KCNH5: variants seen among roughly 807,000 people sequenced by gnomAD.
KCNH5 encodes the protein voltage-gated delayed rectifier potassium channel KCNH5.
KCNH5 carries 46 observed loss-of-function variants against 96.1 expected under a neutral mutation model. The observed-to-expected ratio is 0.48, with a 90% CI of 0.38 to 0.61. The LOEUF (loss-of-function observed/expected upper bound fraction) is 0.61. Among genes scored for constraint, KCNH5 ranks in the 20% least tolerant of loss-of-function variants. The pLI is 0.00. For synonymous variants in KCNH5, 439 were observed against 449.8 expected (o/e 0.98, Z 0.30); for missense variants, 907 against 1,225.8 (o/e 0.74, Z 3.88).
rs969399828 is a variant in KCNH5, at chr14:62,771,693, A to G, written c.2019+8035T>C. On this transcript the variant is annotated intron_variant, in intron 10 of 10. Transcript: ENST00000322893. ...AGGAAGATAAGCCTCTGAAGCCACA[A>G]TGGAAGCAATTCTTTGAGACCACTA... Among the ~76,000 whole-genome samples the G allele has an allele frequency of 1.3e-5, 2 of 152,180 alleles. 1 individual carries two copies. Among genetic ancestry groups the G allele is most frequent in the South Asian group, 4.1e-4 (2 of 4,830 alleles).
intron 1 of KCNH5, among the ~76,000 whole-genome samples, chr14:63,024,000 G>A (rs1891477552): frequency 6.6e-6 from 1 of 151,976 alleles, no homozygotes; most frequent in Non-Finnish European, 1.5e-5. Flanking sequence ...ATGAGGTCAG[G>A]CATTCAAGAC....
At chr14:62,910,282 T>C (rs929994775) in intron 7 of KCNH5, among the ~76,000 whole-genome samples, 11 of 152,156 alleles carry the variant, frequency 7.2e-5, no homozygotes, top group African/African-American at 1.9e-4. Context: ...ATGCTTATTA[T>C]GAAATTGGAA....
chr14:62,964,577 C>A (rs1890270853), intron 6 of KCNH5, among the ~76,000 whole-genome samples: 1 of 152,110 alleles, frequency 6.6e-6, no homozygotes, highest in African/African-American at 2.4e-5. Flanking sequence ...AACTTGGCTT[C>A]TTCCTAAGTC....
intron 8 of KCNH5, among the ~76,000 whole-genome samples, chr14:62,811,604 A>C (rs1185636588): frequency 6.6e-6 from 1 of 152,188 alleles, no homozygotes; most frequent in African/African-American, 2.4e-5. Context: ...AATGAGAGTA[A>C]GAGGTGTTGT....
At chr14:62,775,128 C>A (rs1455317311) in intron 10 of KCNH5, among the ~76,000 whole-genome samples, 1 of 152,050 alleles carries the variant, frequency 6.6e-6, no homozygotes, top group African/African-American at 2.4e-5. Context: ...TGAAAATATC[C>A]ATTAATATAA....
At chr14:62,992,182 G>A (rs1890822039) in intron 4 of KCNH5, among the ~76,000 whole-genome samples, 1 of 151,938 alleles carries the variant, frequency 6.6e-6, no homozygotes, top group Admixed American at 6.6e-5. Context: ...TGGCTGAGTA[G>A]CATCCCATTG....
rs1224129490 is a variant in KCNH5, at chr14:62,950,139, C to T, written c.1363G>A (p.Val455Ile). 1.9e-6 allele frequency: 3 copies of T among 1,613,574 alleles called. No homozygotes were observed. Among genetic ancestry groups the T allele is most frequent in the Non-Finnish European group, 2.5e-6 (3 of 1,179,710 alleles). The change falls in exon 7 of 11, where the codon GTT (valine) becomes ATT (isoleucine). Residue 455 changes from valine to isoleucine, a missense_variant. Val to Ile is a conservative substitution (Grantham distance 29, BLOSUM62 3). This residue lies in a region of KCNH5 where 370 missense variants were observed against 561.3 expected (regional missense o/e 0.66). Transcript: ENST00000322893. Reference protein sequence around the residue: ...EKMFSVAMMMVGSLLYATIFG... With the variant: ...EKMFSVAMMMIGSLLYATIFG... ...AAAAAATTAAAATACTTACAGCCAA[C>T]CATCATCATAGCCACCGAAAACATC...
intron 10 of KCNH5, among the ~76,000 whole-genome samples, chr14:62,776,290 C>T (rs1233495910): frequency 2.6e-5 from 4 of 151,898 alleles, no homozygotes; most frequent in Non-Finnish European, 5.9e-5. Flanking sequence ...TTGGGGCCCT[C>T]ATGAGTGACT....
chr14:62,755,048 C>T (rs899834102), intron 10 of KCNH5, among the ~76,000 whole-genome samples: 1 of 149,932 alleles, frequency 6.7e-6, no homozygotes, highest in African/African-American at 2.4e-5. Context: ...TACTGAAGAA[C>T]TAGAAAAGCA....
chr14:62,750,436 T>G (rs1208113506), intron 10 of KCNH5, among the ~76,000 whole-genome samples: 1 of 152,176 alleles, frequency 6.6e-6, no homozygotes, highest in African/African-American at 2.4e-5. Flanking sequence ...TTGTTCCTCT[T>G]CAGTATATCT....
At chr14:62,778,470 C>T (rs1405823735) in intron 10 of KCNH5, among the ~76,000 whole-genome samples, 1 of 152,206 alleles carries the variant, frequency 6.6e-6, no homozygotes, top group African/African-American at 2.4e-5. Flanking sequence ...TTGCAGAAGG[C>T]AGAGCACAGA....
chr14:62,716,805 T>G (rs1005343889), intron 10 of KCNH5, among the ~76,000 whole-genome samples: 7 of 152,044 alleles, frequency 4.6e-5, no homozygotes, highest in African/African-American at 9.7e-5. Flanking sequence ...CCAAGGAAAT[T>G]GTCAAGAAAA....
intron 1 of KCNH5, among the ~76,000 whole-genome samples, chr14:63,032,195 T>C (rs182804864): frequency 1.9e-3 from 284 of 151,822 alleles, no homozygotes; most frequent in African/African-American, 6.4e-3. Context: ...TCTGACTGTA[T>C]TCATGTAGTT....
At chr14:62,956,886 G>C (rs979483945) in intron 6 of KCNH5, among the ~76,000 whole-genome samples, 3 of 152,060 alleles carry the variant, frequency 2.0e-5, no homozygotes, top group African/African-American at 4.8e-5. Flanking sequence ...GATATTCATT[G>C]ATTTTCTGCT....
At chr14:62,941,891 G>C (rs1455279206) in intron 7 of KCNH5, among the ~76,000 whole-genome samples, 4 of 152,056 alleles carry the variant, frequency 2.6e-5, no homozygotes, top group Non-Finnish European at 4.4e-5. Context: ...AGTCCCACTG[G>C]GCATGGTGTG....
intron 8 of KCNH5, among the ~76,000 whole-genome samples, chr14:62,810,337 A>G (rs1886847709): frequency 6.6e-6 from 1 of 151,940 alleles, no homozygotes; most frequent in African/African-American, 2.4e-5. Flanking sequence ...TCCCTCTGCA[A>G]CCCTTATGAT....
intron 6 of KCNH5, among the ~76,000 whole-genome samples, chr14:62,965,358 G>A (rs530131946): frequency 1.3e-5 from 2 of 152,152 alleles, no homozygotes; most frequent in South Asian, 4.2e-4. Context: ...TGGCAAGACT[G>A]GATTCATTCT....
intron 2 of KCNH5, among the ~76,000 whole-genome samples, chr14:63,011,674 A>T (rs917333043): frequency 6.6e-6 from 1 of 152,130 alleles, no homozygotes; most frequent in Non-Finnish European, 1.5e-5. Flanking sequence ...CAGGGATAGC[A>T]CTGTATACCT....
intron 7 of KCNH5, among the ~76,000 whole-genome samples, chr14:62,855,762 G>A (rs556082156): frequency 6.6e-6 from 1 of 152,154 alleles, no homozygotes; most frequent in African/African-American, 2.4e-5. Flanking sequence ...TTAAAGACAT[G>A]AAAGAATACA....
Sources: gnomAD v4.1 joint callset for allele counts (sites outside exome capture counted in the v4.1 genomes callset) on GRCh38, gnomAD v4.1.1 for gene constraint, gnomAD v4.1.1 regional missense constraint, MANE v1.5 for transcripts, NCBI Gene and HGNC (gene_info 2026-07-23, HGNC 2026-07-21) for gene names.